Variants in AUNIP observed in about 807,000 individuals in gnomAD.
AUNIP encodes aurora kinase A- and ninein-interacting protein.
A neutral mutation model predicts 12.2 loss-of-function variants in AUNIP; 16 were observed. That is an observed-to-expected ratio of 1.31 (90% confidence interval 0.88 to 1.99). AUNIP has a LOEUF of 1.99. Ranked by LOEUF, AUNIP falls within the 30% of genes most tolerant of loss-of-function variation. The probability of loss-of-function intolerance (pLI) is 0.00; values close to 1 mark genes in which losing one functional copy is unlikely to be tolerated. For missense variants in AUNIP, 411 were observed against 419.1 expected (o/e 0.98, Z 0.17); for synonymous variants, 142 against 154.8 (o/e 0.92, Z 0.61).
intron 1 of AUNIP, among the ~76,000 whole-genome samples, chr1:25,851,071 G>C (rs1281766548): frequency 6.6e-6 from 1 of 152,096 alleles, no homozygotes; most frequent in Non-Finnish European, 1.5e-5. Context: ...CTGGTCTGTT[G>C]AGTGTTTTAA....
Position 25,834,740 on chromosome 1 carries a change from G to A in AUNIP, c.*253C>T. 7.5e-7 allele frequency: 1 copy of A among 1,340,372 alleles called. No individual in the cohort carries two copies. Among genetic ancestry groups the A allele is most frequent in the Non-Finnish European group, 9.5e-7 (1 of 1,047,184 alleles). 83.0% of individuals were successfully genotyped at this position (1,340,372 alleles called of 1,614,324 possible). ...CATAGAGATAAATACCCACTGTGCTGCCTCAGTGTTCATCATAGACTCATT... is the reference window on the plus strand; with the variant it reads ...CATAGAGATAAATACCCACTGTGCTACCTCAGTGTTCATCATAGACTCATT... On this transcript the variant is annotated 3_prime_UTR_variant, in exon 3 of 3. Transcript: ENST00000374298.
chr1:25,844,922 G>A (rs1410913761), intron 1 of AUNIP, among the ~76,000 whole-genome samples: 1 of 152,166 alleles, frequency 6.6e-6, no homozygotes, highest in Non-Finnish European at 1.5e-5. Flanking sequence ...GCCTCACTGA[G>A]TCAGGTTGAA....
chr1:25,844,510 A>T (rs1361125210), intron 1 of AUNIP, among the ~76,000 whole-genome samples: 2 of 152,214 alleles, frequency 1.3e-5, no homozygotes, highest in African/African-American at 4.8e-5. Context: ...CAGCACTTAA[A>T]TTAAGTTTAG....
intron 1 of AUNIP, among the ~76,000 whole-genome samples, chr1:25,858,545 G>A (rs1415952619): frequency 6.6e-6 from 1 of 152,186 alleles, no homozygotes; most frequent in African/African-American, 2.4e-5. Context: ...CAATAAACAT[G>A]AATGATTATT....
At chr1:25,843,577 T>C (rs188496) in intron 1 of AUNIP, among the ~76,000 whole-genome samples, 26,594 of 117,368 alleles carry the variant, frequency 0.23, 3,036 homozygotes, top group African/African-American at 0.29. Context: ...GGCAAAATAG[T>C]GAGCTCCTGT....
intron 1 of AUNIP, among the ~76,000 whole-genome samples, chr1:25,838,147 GT>G (rs1278099732): frequency 6.6e-6 from 1 of 151,558 alleles, no homozygotes; most frequent in East Asian, 1.9e-4. Flanking sequence ...CCTTCTCCAA[GT>G]TGCTTAATCT....
At chr1:25,839,515 G>A (rs2048333963) in intron 1 of AUNIP, among the ~76,000 whole-genome samples, 1 of 152,164 alleles carries the variant, frequency 6.6e-6, no homozygotes, top group African/African-American at 2.4e-5. Flanking sequence ...ACATTCATTA[G>A]AGCTCTAAGG....
chr1:25,835,539 G>A lies in AUNIP; in HGVS notation c.528C>T (p.Thr176=), dbSNP rs75038863. The change falls in exon 3 of 3, where the codon ACC becomes ACT. Residue 176 remains threonine (T), a synonymous_variant. Transcript: ENST00000374298. The part of the protein sequence containing the change: ...DSHTPLAFSF[T]EDLESSCLLD... The stretch of plus-strand genomic sequence containing the variant: ...GCAAACAAGAACTTTCCAAGTCCTC[G>A]GTGAAGGAAAAAGCCAGTGGGGTAT... The A allele has an allele frequency of 8.7e-4, 1,405 of 1,614,130 alleles. 16 individuals are homozygous for A. In the East Asian group the frequency reaches 0.023, roughly 27 times the overall value.
intron 1 of AUNIP, among the ~76,000 whole-genome samples, chr1:25,850,431 T>A (rs1460639253): frequency 6.6e-6 from 1 of 152,316 alleles, no homozygotes; most frequent in Admixed American, 6.5e-5. Flanking sequence ...TCGGATGTCA[T>A]GAATTTCTGG....
chr1:25,855,546 C>T (rs1312936333), intron 1 of AUNIP, among the ~76,000 whole-genome samples: 3 of 152,012 alleles, frequency 2.0e-5, no homozygotes, highest in Non-Finnish European at 2.9e-5. Flanking sequence ...GCCTAAGTAA[C>T]GAGGCCAAAT....
At chr1:25,837,579 A>G in intron 1 of AUNIP, 25 bp from the exon 2 acceptor site, 1 of 1,603,988 alleles carries the variant, frequency 6.2e-7, no homozygotes, top group Non-Finnish European at 8.5e-7. Flanking sequence ...AAAAAAGAAT[A>G]ATGAGCCTAT....
chr1:25,846,846 ATCTTC>A (rs1201561360), intron 1 of AUNIP, among the ~76,000 whole-genome samples: 1 of 152,230 alleles, frequency 6.6e-6, no homozygotes, highest in African/African-American at 2.4e-5. Flanking sequence ...ATCTGTTTAA[ATCTTC>A]TCTTATTTTA....
At chr1:25,840,544 G>C (rs2048341399) in intron 1 of AUNIP, among the ~76,000 whole-genome samples, 1 of 152,074 alleles carries the variant, frequency 6.6e-6, no homozygotes. Context: ...CATTTCACAT[G>C]TTCTTCTTAT....
At position 25,857,324 on chromosome 1, in the gene AUNIP, C is replaced by A. The variant is rs183284614; in HGVS notation, c.78+1956G>T. Among the ~76,000 whole-genome samples the A allele has an allele frequency of 2.4e-3, 359 of 148,986 alleles. 5 individuals carry two copies. The highest frequency in any genetic ancestry group is 8.3e-3 in the African/African-American group (335 of 40,272). The stretch of plus-strand genomic sequence containing the variant: ...GCAGTGGCACGATCTCGGCTCACTG[C>A]AACCTCCACCTCCTGGGTTCAAGCA... On this transcript the variant is annotated intron_variant, in intron 1 of 2. Transcript: ENST00000374298.
At chr1:25,852,986 G>A (rs537279926) in intron 1 of AUNIP, among the ~76,000 whole-genome samples, 2 of 152,108 alleles carry the variant, frequency 1.3e-5, no homozygotes, top group South Asian at 4.1e-4. Context: ...ATTCCATTAT[G>A]GAGAATATAC....
At position 25,834,515 on chromosome 1, in the gene AUNIP, G is replaced by A. The variant is rs368988772; in HGVS notation, c.*478C>T. 1.8e-3 allele frequency: 1,407 copies of A among 761,178 alleles called. 49 individuals carry two copies. In the South Asian group the frequency reaches 0.073, roughly 39 times the overall value. The allele number at this position is 761,178 out of a possible 1,614,324, so 47.2% of individuals were successfully genotyped here. A position where few individuals can be genotyped will look rare whatever the true frequency, so the allele number is the denominator to read the frequency against. Reference sequence around the variant, plus strand: ...GCCTGTAGTCCCTGCTATTCGGGAGGCTGAGGCAGGAGAATCGCTTGAATC... The same window carrying A: ...GCCTGTAGTCCCTGCTATTCGGGAGACTGAGGCAGGAGAATCGCTTGAATC... On this transcript the variant is annotated 3_prime_UTR_variant, in exon 3 of 3. Coordinates refer to ENST00000374298, the MANE Select transcript of AUNIP (RefSeq NM_024037.3).
chr1:25,857,955 C>T (rs1310713996), intron 1 of AUNIP, among the ~76,000 whole-genome samples: 1 of 152,094 alleles, frequency 6.6e-6, no homozygotes, highest in East Asian at 1.9e-4. Flanking sequence ...ATCACGAGGT[C>T]AGGAGAGCGA....
intron 1 of AUNIP, among the ~76,000 whole-genome samples, chr1:25,857,538 C>A (rs1489418181): frequency 6.6e-6 from 1 of 151,098 alleles, no homozygotes; most frequent in African/African-American, 2.4e-5. Context: ...CGTGAGCCAC[C>A]GCACCCGGCC....
At chr1:25,856,679 A>AAACAAC (rs148693659) in intron 1 of AUNIP, among the ~76,000 whole-genome samples, 14 of 151,934 alleles carry the variant, frequency 9.2e-5, no homozygotes, top group Admixed American at 5.2e-4. Flanking sequence ...CCATTTCGGA[A>AAACAAC]AACAACAACA....
Sources: allele counts gnomAD v4.1 joint callset (sites outside exome capture counted in the v4.1 genomes callset), GRCh38; gene constraint gnomAD v4.1.1; transcripts MANE v1.5; gene names NCBI Gene and HGNC (gene_info 2026-07-23, HGNC 2026-07-21).